The following CPB2 variants were observed in gnomAD, a reference collection of about 807,000 sequenced individuals.
CPB2 encodes the protein carboxypeptidase B2.
Under a neutral mutation model 57.0 loss-of-function variants are expected in CPB2, and 54 were observed. The observed-to-expected ratio is 0.95, with a 90% CI of 0.76 to 1.19. The LOEUF (loss-of-function observed/expected upper bound fraction) is 1.19, where lower values mean the gene tolerates loss of function less well. CPB2 is among the 50% of genes most tolerant of loss of function. The pLI is 0.00. For synonymous variants in CPB2, 189 were observed against 178.1 expected (o/e 1.06, Z -0.49); for missense variants, 426 against 512.0 (o/e 0.83, Z 1.62).
chr13:46,074,928 A>T (rs988303753), intron 5 of CPB2, among the ~76,000 whole-genome samples: 4 of 152,188 alleles, frequency 2.6e-5, no homozygotes, highest in Admixed American at 2.0e-4. Context: ...CACTGATCTG[A>T]CAGGAAGCAT....
chr13:46,068,137 A>G (rs2044883484), intron 6 of CPB2, among the ~76,000 whole-genome samples: 1 of 152,216 alleles, frequency 6.6e-6, no homozygotes, highest in East Asian at 1.9e-4. Context: ...TTCATCTAGG[A>G]CAAAGCTTTT....
chr13:46,053,526 A>G lies in CPB2; in HGVS notation c.*88T>C. On this transcript the variant is annotated 3_prime_UTR_variant, in exon 11 of 11. Coordinates refer to ENST00000181383, the MANE Select transcript of CPB2 (RefSeq NM_001872.5). ...AAAATCTTTTATCAAAACTACGGATAAAACTTAAAAATAATTTGATACAAT... is the reference window on the plus strand; with the variant it reads ...AAAATCTTTTATCAAAACTACGGATGAAACTTAAAAATAATTTGATACAAT... 6.6e-7 allele frequency: 1 copy of G among 1,525,422 alleles called. No individual in the cohort carries two copies. Among genetic ancestry groups the G allele is most frequent in the South Asian group, 1.3e-5 (1 of 76,216 alleles). 94.5% of individuals were successfully genotyped at this position (1,525,422 alleles called of 1,614,324 possible). A position where few individuals can be genotyped will look rare whatever the true frequency, so the allele number is the denominator to read the frequency against.
At chr13:46,060,326 G>T (rs1382985147) in intron 8 of CPB2, among the ~76,000 whole-genome samples, 1 of 152,080 alleles carries the variant, frequency 6.6e-6, no homozygotes, top group African/African-American at 2.4e-5. Context: ...GCCAGGCATA[G>T]TGGTGCACGC....
intron 8 of CPB2, among the ~76,000 whole-genome samples, chr13:46,061,070 A>G: frequency 6.6e-6 from 1 of 152,176 alleles, no homozygotes; most frequent in Non-Finnish European, 1.5e-5. Context: ...GGTTACAATA[A>G]GTAAAAATCT....
At chr13:46,096,028 G>A (rs964438643) in intron 1 of CPB2, among the ~76,000 whole-genome samples, 5 of 151,502 alleles carry the variant, frequency 3.3e-5, no homozygotes, top group African/African-American at 1.2e-4. Context: ...TTACAGGCAC[G>A]CACCACCACA....
chr13:46,103,985 AAAG>A (rs2045465540), intron 1 of CPB2, among the ~76,000 whole-genome samples: 1 of 152,254 alleles, frequency 6.6e-6, no homozygotes, highest in Non-Finnish European at 1.5e-5. Flanking sequence ...ATGTTGAACA[AAAG>A]AAGATCAATC....
chr13:46,101,714 AC>A (rs200438910), intron 1 of CPB2, among the ~76,000 whole-genome samples: 10 of 95,194 alleles, frequency 1.1e-4, no homozygotes, highest in Non-Finnish European at 1.5e-4. Flanking sequence ...AGGTCACTTT[AC>A]AAAAAAAAGT....
rs184648402 is a variant in CPB2 at position 46,055,843 on chromosome 13, C to A, written c.1006G>T (p.Val336Leu). ...KSKDHEELSL[V>L]ASEAVRAIEK... ...ATAGCACGAACTGCTTCACTGGCTA[C>A]TAGAGACTGGAAGCAACAAGATATA... Residue 336 changes from valine (V) to leucine (L), a missense_variant, in exon 10 of 11, where the codon GTA becomes TTA. Physicochemically the swap from Val to Leu is conservative, Grantham distance 32. Coordinates refer to ENST00000181383, the MANE Select transcript of CPB2 (RefSeq NM_001872.5). The A allele has an allele frequency of 6.3e-5, 99 of 1,582,608 alleles. No individual in the cohort carries two copies. The highest frequency in any genetic ancestry group is 3.3e-4 in the Middle Eastern group (2 of 5,998).
intron 1 of CPB2, among the ~76,000 whole-genome samples, chr13:46,102,620 A>G (rs2045451170): frequency 7.2e-6 from 1 of 138,590 alleles, no homozygotes; most frequent in African/African-American, 2.6e-5. Flanking sequence ...AGAAGGGTTG[A>G]TATTCTGAAC....
chr13:46,089,183 T>C (rs1388275054), intron 1 of CPB2, among the ~76,000 whole-genome samples: 6 of 152,172 alleles, frequency 3.9e-5, no homozygotes, highest in Admixed American at 1.3e-4. Flanking sequence ...TTTATTATTA[T>C]GATTTTTTAC....
Position 46,053,702 on chromosome 13 carries a change from A to G in CPB2, c.1184T>C (p.Leu395Ser), listed in dbSNP as rs755862179. Residue 395 changes from leucine to serine, a missense_variant, in exon 11 of 11, where the codon TTG becomes TCG. By Grantham distance (145) the Leu-to-Ser change is moderately radical. Coordinates refer to ENST00000181383, the MANE Select transcript of CPB2 (RefSeq NM_001872.5). Reference protein sequence around the residue: ...ELRDTGTYGFLLPERYIKPTC... With the variant: ...ELRDTGTYGFSLPERYIKPTC... Reference sequence around the variant, plus strand: ...GGGTTTGATGTAACGCTCCGGCAGCAAGAATCCGTATGTGCCCGTATCTCG... The same window carrying G: ...GGGTTTGATGTAACGCTCCGGCAGCGAGAATCCGTATGTGCCCGTATCTCG... The G allele has an allele frequency of 8.7e-6, 14 of 1,614,074 alleles. No individual in the cohort carries two copies. The highest frequency in any genetic ancestry group is 1.3e-5 in the African/African-American group (1 of 74,934).
chr13:46,082,620 G>C, intron 3 of CPB2, 71 bp from the exon 4 acceptor site: 1 of 905,652 alleles, frequency 1.1e-6, no homozygotes, highest in Non-Finnish European at 1.8e-6. Context: ...CCCATTGCAG[G>C]CACAGCAGGT....
chr13:46,092,185 C>T (rs1023686128), intron 1 of CPB2, among the ~76,000 whole-genome samples: 3 of 152,164 alleles, frequency 2.0e-5, no homozygotes, highest in African/African-American at 7.2e-5. Flanking sequence ...TTATACCCTC[C>T]TTTATGAAAT....
chr13:46,073,084 C>G (rs1409594694), intron 6 of CPB2, among the ~76,000 whole-genome samples: 1 of 152,168 alleles, frequency 6.6e-6, no homozygotes, highest in Admixed American at 6.5e-5. Flanking sequence ...AAGACAGAAA[C>G]AGTTTTATCT....
At chr13:46,095,779 G>A (rs966562433) in intron 1 of CPB2, among the ~76,000 whole-genome samples, 1 of 151,570 alleles carries the variant, frequency 6.6e-6, no homozygotes. Context: ...TTTCCCACTG[G>A]CTTCTTGCAG....
intron 6 of CPB2, 42 bp from the exon 7 acceptor site, chr13:46,067,459 T>TTAGAAGAA: frequency 2.1e-6 from 2 of 961,440 alleles, no homozygotes; most frequent in Non-Finnish European, 3.3e-6. Context: ...TGTTTTAAGT[T>TTAGAAGAA]CTTCTAAACT....
intron 10 of CPB2, among the ~76,000 whole-genome samples, chr13:46,054,538 C>T (rs527647605): frequency 2.6e-5 from 4 of 152,076 alleles, no homozygotes; most frequent in African/African-American, 4.8e-5. Context: ...GTTTTCCAAC[C>T]GCATTAATTG....
intron 1 of CPB2, among the ~76,000 whole-genome samples, chr13:46,095,395 G>A (rs567009442): frequency 4.6e-5 from 7 of 152,216 alleles, no homozygotes; most frequent in Non-Finnish European, 1.0e-4. Flanking sequence ...AAAGATGCAG[G>A]GATGATAGAT....
chr13:46,102,525 G>A (rs1319151923), intron 1 of CPB2, among the ~76,000 whole-genome samples: 2 of 88,050 alleles, frequency 2.3e-5, no homozygotes, highest in Non-Finnish European at 4.3e-5. Flanking sequence ...ACTGTTAGTA[G>A]GAAAATGATT....
Sources: gnomAD v4.1 joint callset for allele counts (sites outside exome capture counted in the v4.1 genomes callset) on GRCh38, gnomAD v4.1.1 for gene constraint, MANE v1.5 for transcripts, NCBI Gene and HGNC (gene_info 2026-07-23, HGNC 2026-07-21) for gene names.